CAMTA1: variants seen among roughly 807,000 people sequenced by gnomAD.
CAMTA1 encodes the protein calmodulin-binding transcription activator 1.
CAMTA1 carries 27 observed loss-of-function variants against 170.9 expected under a neutral mutation model. The ratio of observed to expected loss-of-function variants is 0.16; its 90% CI spans 0.12 to 0.22. The LOEUF (loss-of-function observed/expected upper bound fraction) is 0.22, where lower values mean the gene tolerates loss of function less well. Ranked by LOEUF, CAMTA1 falls within the 10% of genes least tolerant of loss-of-function variation. CAMTA1 has a pLI of 1.00. For missense variants in CAMTA1, 1,619 were observed against 2,217.2 expected (o/e 0.73, Z 5.42); for synonymous variants, 833 against 891.5 (o/e 0.93, Z 1.17).
intron 5 of CAMTA1, among the ~76,000 whole-genome samples, chr1:7,396,705 G>A (rs187189885): frequency 2.6e-5 from 4 of 152,290 alleles, no homozygotes; most frequent in African/African-American, 9.6e-5. Flanking sequence ...GTATGATGAA[G>A]GGATGTCAAA....
chr1:7,296,108 T>G (rs903137688), intron 5 of CAMTA1, among the ~76,000 whole-genome samples: 3 of 152,212 alleles, frequency 2.0e-5, no homozygotes, highest in Non-Finnish European at 2.9e-5. Flanking sequence ...GAATGCCATG[T>G]GGGCCTCTCC....
rs759667491 is a variant in CAMTA1, at chr1:6,956,020, G to C, written c.234+130810G>C. Among the ~76,000 whole-genome samples, 4 of 152,126 alleles carry C rather than the reference G, an allele frequency of 2.6e-5. No individual in the cohort carries two copies. The East Asian group carries it at 7.7e-4, about 29-fold the overall frequency. ...CAGGGTTTTTCAGTATCTTCCGCTC[G>C]AGCAGGTGCTGCAGCAGAGCCTCAG... On this transcript the variant is annotated intron_variant, in intron 3 of 22. Coordinates refer to ENST00000303635, the MANE Select transcript of CAMTA1 (RefSeq NM_015215.4).
At chr1:7,412,922 T>A (rs1324294900) in intron 5 of CAMTA1, among the ~76,000 whole-genome samples, 3 of 152,208 alleles carry the variant, frequency 2.0e-5, no homozygotes, top group African/African-American at 7.2e-5. Flanking sequence ...CATCTTGAAT[T>A]AATTTTTGTT....
At chr1:7,628,740 G>A (rs988359660) in intron 6 of CAMTA1, among the ~76,000 whole-genome samples, 2 of 152,272 alleles carry the variant, frequency 1.3e-5, no homozygotes, top group African/African-American at 4.8e-5. Flanking sequence ...GAAGTGGGGC[G>A]CACGTGCTTG....
intron 4 of CAMTA1, among the ~76,000 whole-genome samples, chr1:7,098,099 T>TTGTGTGTGTGTGTGTG (rs61519330): frequency 4.6e-5 from 7 of 150,760 alleles, no homozygotes; most frequent in Non-Finnish European, 8.9e-5. Flanking sequence ...GGTGGACGAA[T>TTGTGTGTGTGTGTGTG]TGTGTGTGTG....
intron 4 of CAMTA1, among the ~76,000 whole-genome samples, chr1:7,148,093 C>A (rs376125459): frequency 0.016 from 2,357 of 151,932 alleles, 66 homozygotes; most frequent in African/African-American, 0.055. Context: ...TGCACACACT[C>A]AAACATACAC....
rs759784889 is a variant in CAMTA1, at chr1:7,249,645, T to C, written c.438+19T>C. 1 of 1,612,144 alleles carries C rather than the reference T, an allele frequency of 6.2e-7. No individual in the cohort carries two copies. The highest frequency in any genetic ancestry group is 8.5e-7 in the Non-Finnish European group (1 of 1,179,072). ...AGTGGAGGTAAACAGCAGAAAAGGT[T>C]CCCTTGGTGCACAAATGTCATTTGC... On this transcript the variant is annotated intron_variant, in intron 5 of 22. Coordinates refer to ENST00000303635, the MANE Select transcript of CAMTA1 (RefSeq NM_015215.4). This position sits in a 1 kb window ranked among gnomAD's most constrained non-coding sequence, Gnocchi z 4.4.
chr1:7,624,814 G>T (rs2095622236), intron 6 of CAMTA1, among the ~76,000 whole-genome samples: 1 of 152,224 alleles, frequency 6.6e-6, no homozygotes, highest in African/African-American at 2.4e-5. Flanking sequence ...AAAGAGTGAG[G>T]CTGGCTGATG....
chr1:7,103,461 A>G (rs1156463229), intron 4 of CAMTA1, among the ~76,000 whole-genome samples: 3 of 148,778 alleles, frequency 2.0e-5, no homozygotes, highest in Non-Finnish European at 4.5e-5. Context: ...ACAACTACAC[A>G]CATGTACACA....
intron 1 of CAMTA1, among the ~76,000 whole-genome samples, chr1:6,808,509 G>T (rs1170547857): frequency 6.6e-6 from 1 of 152,196 alleles, no homozygotes; most frequent in Non-Finnish European, 1.5e-5. Flanking sequence ...CAGCTTAAAT[G>T]AAACTTCCAA....
In CAMTA1 at chr1:7,642,941, G is replaced by C. The variant is rs1455169846; in HGVS notation, c.664+2388G>C. 6.6e-6 allele frequency among the ~76,000 whole-genome samples: 1 copy of C among 152,160 alleles called. No homozygotes were observed. The highest frequency in any genetic ancestry group is 1.5e-5 in the Non-Finnish European group (1 of 68,044). ...TTTCTTGGGAGGTGGAGTCACTCCA[G>C]AGGGCTCAGCTTGGTCCTGCAGAAG... On this transcript the variant is annotated intron_variant, in intron 7 of 22. Transcript: ENST00000303635. This position sits in a 1 kb window ranked among gnomAD's most constrained non-coding sequence, Gnocchi z 6.3.
intron 4 of CAMTA1, among the ~76,000 whole-genome samples, chr1:7,180,511 CTTTTTTT>C (rs397862259): frequency 1.4e-5 from 1 of 71,164 alleles, no homozygotes; most frequent in Non-Finnish European, 2.4e-5. Flanking sequence ...TGTCACTAGA[CTTTTTTT>C]TTTTTTTTTT....
In CAMTA1 at chr1:7,299,477, T is replaced by C. The variant is rs1674442616; in HGVS notation, c.438+49851T>C. Among the ~76,000 whole-genome samples the C allele has an allele frequency of 1.3e-5, 2 of 152,186 alleles. No homozygotes were observed. Among genetic ancestry groups the C allele is most frequent in the Admixed American group, 6.5e-5 (1 of 15,280 alleles). On this transcript the variant is annotated intron_variant, in intron 5 of 22. Transcript: ENST00000303635. The surrounding 1 kb of genome is among the most constrained non-coding windows in gnomAD (Gnocchi z 4.7). The stretch of plus-strand genomic sequence containing the variant: ...GCTTTCTCTGGAATTCTCCCACTTG[T>C]TTATAGTCTGGGCAATTTGCCTCCT...
At position 7,299,560 on chromosome 1, in the gene CAMTA1, C is replaced by T. The variant is rs1674460239; in HGVS notation, c.438+49934C>T. On this transcript the variant is annotated intron_variant, in intron 5 of 22. Coordinates refer to ENST00000303635, the MANE Select transcript of CAMTA1 (RefSeq NM_015215.4). The surrounding 1 kb of genome is among the most constrained non-coding windows in gnomAD (Gnocchi z 4.7). ...AACCTCGCAATGAGCCAGCGGCTCC[C>T]CGGAGTCAGACGCTGGCCCTTGTGT... Among the ~76,000 whole-genome samples the T allele has an allele frequency of 6.6e-6, 1 of 152,198 alleles. No individual in the cohort carries two copies. Among genetic ancestry groups the T allele is most frequent in the Non-Finnish European group, 1.5e-5 (1 of 68,034 alleles).
intron 1 of CAMTA1, among the ~76,000 whole-genome samples, chr1:6,802,634 G>C (rs923824342): frequency 2.0e-5 from 3 of 152,250 alleles, no homozygotes; most frequent in Non-Finnish European, 4.4e-5. Flanking sequence ...TGTAGCTACA[G>C]ATAGAAGGCC....
intron 3 of CAMTA1, among the ~76,000 whole-genome samples, chr1:6,990,777 C>G (rs976938750): frequency 4.9e-5 from 6 of 122,034 alleles, no homozygotes; most frequent in African/African-American, 1.7e-4. Context: ...TGTACTTTCT[C>G]TCTCTCTGTC....
At chr1:7,246,741 A>G (rs1665873965) in intron 4 of CAMTA1, among the ~76,000 whole-genome samples, 1 of 132,808 alleles carries the variant, frequency 7.5e-6, no homozygotes, top group African/African-American at 2.9e-5. Flanking sequence ...ATCTCAGCTC[A>G]CTGCAACCTC....
rs536573785 is a variant in CAMTA1 at position 7,534,102 on chromosome 1, C to T, written c.510+66201C>T. Among the ~76,000 whole-genome samples the T allele has an allele frequency of 1.1e-4, 16 of 152,294 alleles. No homozygotes were observed. The highest frequency in any genetic ancestry group is 3.9e-4 in the African/African-American group (16 of 41,558). ...CTCATGGGACTCCTGAGGCCCCTCCCATCACCGGTCACCCCGCCCGCCAGG... is the reference window on the plus strand; with the variant it reads ...CTCATGGGACTCCTGAGGCCCCTCCTATCACCGGTCACCCCGCCCGCCAGG... On this transcript the variant is annotated intron_variant, in intron 6 of 22. Transcript: ENST00000303635. This position sits in a 1 kb window ranked among gnomAD's most constrained non-coding sequence, Gnocchi z 5.6.
At chr1:7,271,092 G>A (rs2149402519) in intron 5 of CAMTA1, among the ~76,000 whole-genome samples, 1 of 152,262 alleles carries the variant, frequency 6.6e-6, no homozygotes, top group East Asian at 1.9e-4. Flanking sequence ...GCCCCAGTGT[G>A]GCTGTGTTTG....
Sources: allele counts gnomAD v4.1 joint callset (sites outside exome capture counted in the v4.1 genomes callset), GRCh38; gene constraint gnomAD v4.1.1; non-coding constraint Gnocchi (gnomAD v3.1); transcripts MANE v1.5; gene names NCBI Gene and HGNC (gene_info 2026-07-23, HGNC 2026-07-21).